The following AFF4 variants were observed in gnomAD, a reference collection of about 807,000 sequenced individuals.
AFF4 encodes ALF transcription elongation factor 4.
Under a neutral mutation model 124.8 loss-of-function variants are expected in AFF4, and 13 were observed. That is an observed-to-expected ratio of 0.10 (90% confidence interval 0.07 to 0.17). The LOEUF is 0.17. Ranked by LOEUF, AFF4 falls within the 10% of genes least tolerant of loss-of-function variation. AFF4 has a pLI of 1.00. For synonymous variants in AFF4, 477 were observed against 496.1 expected (o/e 0.96, Z 0.51); for missense variants, 1,092 against 1,403.8 (o/e 0.78, Z 3.55).
chr5:132,915,991 A>G (rs1177500578), intron 5 of AFF4, among the ~76,000 whole-genome samples: 2 of 152,026 alleles, frequency 1.3e-5, no homozygotes, highest in Non-Finnish European at 2.9e-5. Context: ...GTGGTGGCTC[A>G]CATCTGTAAC....
Position 132,877,620 on chromosome 5 carries a change from A to G in AFF4, c.*3439T>C, listed in dbSNP as rs1411337795. On this transcript the variant is annotated 3_prime_UTR_variant, in exon 21 of 21. Transcript: ENST00000265343. ...AGAGTGCACAGTGTACTCCTCCTCT[A>G]TATAACTAGGCATCACTGACTGGAA... The G allele has an allele frequency of 1.9e-5, 4 of 209,616 alleles. No individual in the cohort carries two copies. The highest frequency in any genetic ancestry group is 2.9e-5 in the Non-Finnish European group (3 of 102,818). The allele number at this position is 209,616 out of a possible 1,614,324, so 13.0% of individuals were successfully genotyped here.
intron 5 of AFF4, among the ~76,000 whole-genome samples, chr5:132,925,140 A>T (rs963607827): frequency 2.6e-5 from 4 of 152,030 alleles, no homozygotes; most frequent in Non-Finnish European, 4.4e-5. Context: ...ACACCATTGC[A>T]CTCCAGCCTG....
chr5:132,909,718 T>G (rs964445433), intron 5 of AFF4, among the ~76,000 whole-genome samples: 1 of 152,184 alleles, frequency 6.6e-6, no homozygotes, highest in African/African-American at 2.4e-5. Context: ...TATAACTGAG[T>G]TGAAGATATT....
At chr5:132,923,236 C>T (rs1049339919) in intron 5 of AFF4, among the ~76,000 whole-genome samples, 5 of 149,136 alleles carry the variant, frequency 3.4e-5, no homozygotes, top group Admixed American at 6.7e-5. Context: ...CTGTAGTTCC[C>T]GCTACTCAGG....
rs1209016044 is a variant in AFF4 at position 132,889,103 on chromosome 5, C to G, written c.2708G>C (p.Arg903Thr). The G allele has an allele frequency of 6.2e-7, 1 of 1,613,826 alleles. No individual in the cohort carries two copies. The highest frequency in any genetic ancestry group is 8.5e-7 in the Non-Finnish European group (1 of 1,179,880). ...APTLDSSKPR[R>T]TKLVFDDRNY... Reference sequence around the variant, plus strand: ...CCTGTCATCAAAGACAAGCTTTGTTCTCCGAGGCTTAGAAGAATCAAGAGT... The same window carrying G: ...CCTGTCATCAAAGACAAGCTTTGTTGTCCGAGGCTTAGAAGAATCAAGAGT... Residue 903 changes from arginine (R) to threonine (T), a missense_variant, in exon 14 of 21, where the codon AGA becomes ACA. Physicochemically the swap from Arg to Thr is moderately conservative, Grantham distance 71 (BLOSUM62 -1). This residue lies in a region of AFF4 where 293 missense variants were observed against 280.2 expected (regional missense o/e 1.05). Transcript: ENST00000265343.
chr5:132,951,716 T>TGG (rs1761846715), intron 1 of AFF4, among the ~76,000 whole-genome samples: 1 of 152,172 alleles, frequency 6.6e-6, no homozygotes, highest in Non-Finnish European at 1.5e-5. Flanking sequence ...TCAGTAGAGA[T>TGG]GGGGTTTCAC....
At chr5:132,915,567 GGTTT>G (rs1422447675) in intron 5 of AFF4, among the ~76,000 whole-genome samples, 1 of 109,734 alleles carries the variant, frequency 9.1e-6, no homozygotes, top group Non-Finnish European at 1.9e-5. Flanking sequence ...CTTTTTTTTG[GGTTT>G]TTTTTTTTTT....
chr5:132,914,398 C>G lies in AFF4; in HGVS notation c.1051-9994G>C, dbSNP rs1163780923. 2.0e-5 allele frequency among the ~76,000 whole-genome samples: 3 copies of G among 150,110 alleles called. No homozygotes were observed. The East Asian group carries it at 6.0e-4, about 30-fold the overall frequency. ...CGGGCAGATCATGAGGTCAGGAGTT[C>G]GAGACCAGCCTGACCAACATGGTGA... On this transcript the variant is annotated intron_variant, in intron 5 of 20. Transcript: ENST00000265343.
At chr5:132,930,830 G>T (rs1019654767) in intron 4 of AFF4, among the ~76,000 whole-genome samples, 8 of 151,630 alleles carry the variant, frequency 5.3e-5, no homozygotes, top group African/African-American at 1.9e-4. Context: ...ATGTTGGCTG[G>T]GCGTGGTGGC....
At chr5:132,913,585 A>G (rs1760842681) in intron 5 of AFF4, among the ~76,000 whole-genome samples, 1 of 152,144 alleles carries the variant, frequency 6.6e-6, no homozygotes, top group African/African-American at 2.4e-5. Flanking sequence ...TTGCAACTGC[A>G]GGTGCCCACC....
In AFF4 at chr5:132,889,149, T is replaced by C; in HGVS notation, c.2662A>G (p.Asn888Asp). The C allele has an allele frequency of 6.2e-7, 1 of 1,613,956 alleles. No individual in the cohort carries two copies. Among genetic ancestry groups the C allele is most frequent in the South Asian group, 1.1e-5 (1 of 91,074 alleles). Residue 888 changes from asparagine to aspartate, a missense_variant, in exon 14 of 21, where the codon AAC becomes GAC. This residue lies in a region of AFF4 where 293 missense variants were observed against 280.2 expected (regional missense o/e 1.05). Coordinates refer to ENST00000265343, the MANE Select transcript of AFF4 (RefSeq NM_014423.4). ...AGAGTTGGTGCAGATGGAGGACAGT[T>C]AGAGGAGCTACTTGGAGCCTTTTCC... is the stretch of plus-strand genomic sequence containing the variant. The part of the protein sequence containing the change: ...VKEKAPSSSS[N>D]CPPSAPTLDS...
At chr5:132,941,657 A>G (rs1398495821) in intron 1 of AFF4, among the ~76,000 whole-genome samples, 1 of 152,070 alleles carries the variant, frequency 6.6e-6, no homozygotes, top group Non-Finnish European at 1.5e-5. Flanking sequence ...TTTCTCACAC[A>G]ATACTCTCAC....
chr5:132,900,972 T>A, intron 7 of AFF4: 1 of 985,366 alleles, frequency 1.0e-6, no homozygotes, highest in Non-Finnish European at 1.2e-6. Context: ...TAACCAACAT[T>A]TCTATATCTG....
In AFF4 at chr5:132,878,253, G is replaced by A. The variant is rs1033204841; in HGVS notation, c.*2806C>T. 9.6e-5 allele frequency: 22 copies of A among 229,734 alleles called. No individual in the cohort carries two copies. The highest frequency in any genetic ancestry group is 1.1e-4 in the Non-Finnish European group (13 of 115,830). The allele number at this position is 229,734 out of a possible 1,614,324, so 14.2% of individuals were successfully genotyped here. On this transcript the variant is annotated 3_prime_UTR_variant, in exon 21 of 21. Transcript: ENST00000265343. ...GACTACTGTGACAACTGCAACCACT[G>A]CAATTGGTTCGTTGGTTGCTTGTAA...
chr5:132,957,513 A>C (rs1006837813), intron 1 of AFF4, among the ~76,000 whole-genome samples: 6 of 152,030 alleles, frequency 3.9e-5, no homozygotes, highest in Admixed American at 6.6e-5. Flanking sequence ...CAGGCAGATC[A>C]CCTGAGGTCA....
At chr5:132,883,656 G>A in intron 19 of AFF4, 96 bp from the exon 20 acceptor site, 3 of 1,104,018 alleles carry the variant, frequency 2.7e-6, no homozygotes, top group South Asian at 1.5e-5. Context: ...CATTTAAAAT[G>A]TAAAGATTCT....
At chr5:132,893,200 T>A in intron 11 of AFF4, 82 bp from the exon 12 acceptor site, 6 of 1,096,472 alleles carry the variant, frequency 5.5e-6, no homozygotes, top group Non-Finnish European at 8.4e-6. Flanking sequence ...AAAGAGTTTA[T>A]CCATGATTAG....
rs146722760 is a variant in AFF4 at position 132,918,435 on chromosome 5, G to A, written c.1050+8686C>T. ...CCAGCACTTTGGGAGGCCGAGGCAG[G>A]TGGATCAGTTGAGGTCAGGAGTTAG... On this transcript the variant is annotated intron_variant, in intron 5 of 20. Transcript: ENST00000265343. 3.3e-3 allele frequency among the ~76,000 whole-genome samples: 509 copies of A among 152,240 alleles called. 18 individuals are homozygous for A. In the East Asian group the frequency reaches 0.069, roughly 21 times the overall value.
At position 132,904,408 on chromosome 5, in the gene AFF4, AG is replaced by A; in HGVS notation, c.1051-5del. ...CAAAATTGGACTGCTGAGACTCCTAAGAAAAAGGAACATAAAATTATACAAA... is the reference window on the plus strand; with the variant it reads ...CAAAATTGGACTGCTGAGACTCCTAAAAAAAGGAACATAAAATTATACAAA... On this transcript the variant is annotated splice_region_variant and splice_polypyrimidine_tract_variant and intron_variant, in intron 5 of 20. Coordinates refer to ENST00000265343, the MANE Select transcript of AFF4 (RefSeq NM_014423.4). The A allele has an allele frequency of 6.2e-7, 1 of 1,605,826 alleles. No individual in the cohort carries two copies. Among genetic ancestry groups the A allele is most frequent in the Non-Finnish European group, 8.5e-7 (1 of 1,176,548 alleles).
Sources: gnomAD v4.1 joint callset for allele counts (sites outside exome capture counted in the v4.1 genomes callset) on GRCh38, gnomAD v4.1.1 for gene constraint, gnomAD v4.1.1 regional missense constraint, MANE v1.5 for transcripts, NCBI Gene and HGNC (gene_info 2026-07-23, HGNC 2026-07-21) for gene names.